Variants in VAV2 observed in about 807,000 individuals in gnomAD.
VAV2 encodes the protein guanine nucleotide exchange factor VAV2.
In VAV2, 67 loss-of-function variants were observed where a neutral mutation model predicts 132.5. The observed-to-expected ratio is 0.51, with a 90% CI of 0.42 to 0.62. The LOEUF is 0.62. Among genes scored for constraint, VAV2 ranks in the 20% least tolerant of loss-of-function variants. The pLI, the probability that VAV2 is intolerant of heterozygous loss-of-function variation, is 0.00. For synonymous variants in VAV2, 492 were observed against 443.5 expected (o/e 1.11, Z -1.37); for missense variants, 938 against 1,153.6 (o/e 0.81, Z 2.71).
chr9:133,821,647 A>AT (rs756433533), intron 4 of VAV2, among the ~76,000 whole-genome samples: 2 of 152,270 alleles, frequency 1.3e-5, no homozygotes, highest in East Asian at 3.9e-4. Flanking sequence ...AAAATGACAG[A>AT]TTTTTTAAAA....
chr9:133,932,650 G>C (rs982077833), intron 2 of VAV2, among the ~76,000 whole-genome samples: 1 of 152,186 alleles, frequency 6.6e-6, no homozygotes, highest in Admixed American at 6.5e-5. Context: ...GATCCCTGCA[G>C]AAACAAAGGC....
chr9:133,887,832 A>C (rs1217857482), intron 2 of VAV2, among the ~76,000 whole-genome samples: 1 of 144,016 alleles, frequency 6.9e-6, no homozygotes, highest in Non-Finnish European at 1.5e-5. Context: ...TTGCATCTTC[A>C]GGGGAGGGAA....
intron 2 of VAV2, among the ~76,000 whole-genome samples, chr9:133,925,328 T>G (rs1186394154): frequency 1.3e-5 from 2 of 152,224 alleles, no homozygotes; most frequent in Non-Finnish European, 2.9e-5. Context: ...GCAATTCTTC[T>G]GCCTCAGCTT....
rs1289675124 is a variant in VAV2, at chr9:133,788,015, G to T, written c.1407+339C>A. On this transcript the variant is annotated intron_variant, in intron 15 of 29. Transcript: ENST00000371850. The surrounding 1 kb of genome is among the most constrained non-coding windows in gnomAD (Gnocchi z 5.3). ...GGGCTAGAGTCAGGCTGGCCAGATGGAAAGCCAAGGTTGAAAGTCCCACCC... is the reference window on the plus strand; with the variant it reads ...GGGCTAGAGTCAGGCTGGCCAGATGTAAAGCCAAGGTTGAAAGTCCCACCC... 6.6e-6 allele frequency among the ~76,000 whole-genome samples: 1 copy of T among 152,246 alleles called. No individual in the cohort carries two copies. The highest frequency in any genetic ancestry group is 1.5e-5 in the Non-Finnish European group (1 of 68,048).
At position 133,956,839 on chromosome 9, in the gene VAV2, G is replaced by C. The variant is rs552706407; in HGVS notation, c.205-17620C>G. 2.2e-3 allele frequency among the ~76,000 whole-genome samples: 333 copies of C among 152,344 alleles called. 2 individuals are homozygous for C. Among genetic ancestry groups the C allele is most frequent in the African/African-American group, 7.5e-3 (311 of 41,580 alleles). The stretch of plus-strand genomic sequence containing the variant: ...AGTGGGAGGGAGGCTGCCCCTGCCA[G>C]GGCCTGGGACAGAGCCCTCTGTGGG... On this transcript the variant is annotated intron_variant, in intron 1 of 29. Transcript: ENST00000371850.
Position 133,797,693 on chromosome 9 carries a change from C to T in VAV2, c.936+17G>A, listed in dbSNP as rs751783451. On this transcript the variant is annotated intron_variant, in intron 10 of 29. Transcript: ENST00000371850. ...ACCTTGGAGCCAGGGCCAGGGCCAACGCCTGGCAGGACTTACCTCGACTTT... is the reference window on the plus strand; with the variant it reads ...ACCTTGGAGCCAGGGCCAGGGCCAATGCCTGGCAGGACTTACCTCGACTTT... The T allele has an allele frequency of 1.7e-5, 27 of 1,607,952 alleles. No homozygotes were observed. The highest frequency in any genetic ancestry group is 1.7e-4 in the Middle Eastern group (1 of 5,992).
At chr9:133,900,184 G>C (rs1839386142) in intron 2 of VAV2, among the ~76,000 whole-genome samples, 1 of 150,994 alleles carries the variant, frequency 6.6e-6, no homozygotes, top group East Asian at 1.9e-4. Context: ...GGGTGACAGA[G>C]TAAGACCCTG....
At position 133,769,388 on chromosome 9, in the gene VAV2, T is replaced by C. The variant is rs1564326756; in HGVS notation, c.2434+29A>G. 1.3e-6 allele frequency: 2 copies of C among 1,590,972 alleles called. No individual in the cohort carries two copies. The highest frequency in any genetic ancestry group is 1.7e-6 in the Non-Finnish European group (2 of 1,169,184). ...CCCAAGGCAGCTGCCACAGGCCCGG[T>C]CCCCCCACGCCCTGGGGAGCAGCGG... On this transcript the variant is annotated intron_variant, in intron 28 of 29. Transcript: ENST00000371850. This position sits in a 1 kb window ranked among gnomAD's most constrained non-coding sequence, Gnocchi z 8.1.
At chr9:133,984,919 A>G (rs1159769888) in intron 1 of VAV2, among the ~76,000 whole-genome samples, 1 of 152,036 alleles carries the variant, frequency 6.6e-6, no homozygotes, top group Non-Finnish European at 1.5e-5. Context: ...AAAAAAAAAA[A>G]AAGCATAGGT....
At chr9:133,793,588 C>T (rs568156547) in intron 12 of VAV2, among the ~76,000 whole-genome samples, 2 of 152,262 alleles carry the variant, frequency 1.3e-5, no homozygotes, top group African/African-American at 4.8e-5. Context: ...AGAAACATTA[C>T]AACTGTGACC....
chr9:133,967,724 G>T (rs909448912), intron 1 of VAV2, among the ~76,000 whole-genome samples: 5 of 150,702 alleles, frequency 3.3e-5, no homozygotes, highest in African/African-American at 1.2e-4. Flanking sequence ...TTGAGGCCAG[G>T]AGTTTGAGAC....
chr9:133,843,156 C>T (rs943635580), intron 3 of VAV2, among the ~76,000 whole-genome samples: 3 of 152,294 alleles, frequency 2.0e-5, no homozygotes, highest in Non-Finnish European at 4.4e-5. Context: ...TGGCCACACC[C>T]GGCTCGGGGA....
intron 2 of VAV2, among the ~76,000 whole-genome samples, chr9:133,925,507 T>C (rs747760965): frequency 7.2e-5 from 11 of 152,252 alleles, no homozygotes; most frequent in Non-Finnish European, 1.6e-4. Context: ...CATGAGCCAC[T>C]GTACCTGGTC....
intron 9 of VAV2, among the ~76,000 whole-genome samples, chr9:133,800,437 G>T (rs549003897): frequency 6.6e-6 from 1 of 152,310 alleles, no homozygotes; most frequent in Admixed American, 6.5e-5. Flanking sequence ...GGTCCTGCCC[G>T]CATGGAGCCA....
chr9:133,779,519 T>C (rs965715591), intron 21 of VAV2, among the ~76,000 whole-genome samples: 1 of 152,242 alleles, frequency 6.6e-6, no homozygotes, highest in Admixed American at 6.5e-5. Flanking sequence ...GAGAACACGA[T>C]GCTTTTTACG....
chr9:133,850,032 AG>A (rs1837104330), intron 3 of VAV2, among the ~76,000 whole-genome samples: 1 of 152,228 alleles, frequency 6.6e-6, no homozygotes, highest in South Asian at 2.1e-4. Context: ...ATGGAAAGCC[AG>A]GGGACCCGGA....
chr9:133,848,032 C>G (rs1226800602), intron 3 of VAV2, among the ~76,000 whole-genome samples: 1 of 152,174 alleles, frequency 6.6e-6, no homozygotes, highest in African/African-American at 2.4e-5. Context: ...AATCCCAGCA[C>G]TTTGGGAGGC....
chr9:133,890,307 G>A (rs988124128), intron 2 of VAV2, among the ~76,000 whole-genome samples: 5 of 152,236 alleles, frequency 3.3e-5, no homozygotes, highest in African/African-American at 1.2e-4. Context: ...CTGTCACAGA[G>A]GGACTGACGG....
intron 1 of VAV2, among the ~76,000 whole-genome samples, chr9:133,966,803 G>T (rs1842154587): frequency 6.6e-6 from 1 of 152,264 alleles, no homozygotes; most frequent in East Asian, 1.9e-4. Context: ...GGGAGGCCGT[G>T]GCGGGCAGAT....
Sources: gnomAD v4.1 joint callset for allele counts (sites outside exome capture counted in the v4.1 genomes callset) on GRCh38, gnomAD v4.1.1 for gene constraint, Gnocchi (gnomAD v3.1) non-coding constraint, MANE v1.5 for transcripts, NCBI Gene and HGNC (gene_info 2026-07-23, HGNC 2026-07-21) for gene names.